Variants in CRIM1 observed in about 807,000 individuals in gnomAD.
CRIM1 encodes the protein cysteine-rich motor neuron 1 protein.
In CRIM1, 32 loss-of-function variants were observed where a neutral mutation model predicts 116.4. The observed-to-expected ratio is 0.27, with a 90% CI of 0.21 to 0.37. The LOEUF is 0.37. Among genes scored for constraint, CRIM1 ranks in the 10% least tolerant of loss-of-function variants. CRIM1 has a pLI of 1.00. For missense variants in CRIM1, 1,331 were observed against 1,354.8 expected (o/e 0.98, Z 0.28); for synonymous variants, 590 against 509.2 (o/e 1.16, Z -2.13).
intron 5 of CRIM1, among the ~76,000 whole-genome samples, chr2:36,469,661 A>G (rs1162620726): frequency 1.3e-5 from 2 of 152,190 alleles, no homozygotes; most frequent in African/African-American, 4.8e-5. Flanking sequence ...AAAAAACACT[A>G]GTACAGAAAA....
chr2:36,534,973 C>G (rs911016840), intron 13 of CRIM1, among the ~76,000 whole-genome samples: 2 of 152,106 alleles, frequency 1.3e-5, no homozygotes, highest in African/African-American at 4.8e-5. Flanking sequence ...ATAAAGAATT[C>G]TCAGCAAAAT....
In CRIM1 at chr2:36,356,287, A is replaced by T. The variant is rs987533341; in HGVS notation, c.-6A>T. On this transcript the variant is annotated 5_prime_UTR_variant, in exon 1 of 17. Transcript: ENST00000280527. The surrounding 1 kb of genome is among the most constrained non-coding windows in gnomAD (Gnocchi z 4.3). ...TGCGAGGAGGAGGCGGCGGCGGCGC[A>T]GGAGGATGTACTTGGTGGCGGGGGA... 7 of 1,459,682 alleles carry T rather than the reference A, an allele frequency of 4.8e-6. No individual in the cohort carries two copies. Among genetic ancestry groups the T allele is most frequent in the African/African-American group, 2.9e-5 (2 of 68,654 alleles). The allele number at this position is 1,459,682 out of a possible 1,614,324, so 90.4% of individuals were successfully genotyped here.
At position 36,480,021 on chromosome 2, in the gene CRIM1, G is replaced by A. The variant is rs115262442; in HGVS notation, c.1372+327G>A. Among the ~76,000 whole-genome samples the A allele has an allele frequency of 4.3e-3, 648 of 152,306 alleles. 9 individuals are homozygous for A. The highest frequency in any genetic ancestry group is 0.014 in the African/African-American group (599 of 41,578). ...AGCCTAACAAAATGAAATTGAAAAT[G>A]AGACCGATGAGTCAATCTTAGCACC... On this transcript the variant is annotated intron_variant, in intron 7 of 16. Coordinates refer to ENST00000280527, the MANE Select transcript of CRIM1 (RefSeq NM_016441.3).
intron 2 of CRIM1, among the ~76,000 whole-genome samples, chr2:36,428,215 G>C (rs1674607273): frequency 6.6e-6 from 1 of 152,214 alleles, no homozygotes. Flanking sequence ...AGGAGACTGG[G>C]CTTCTGGCCC....
Position 36,476,992 on chromosome 2 carries a change from C to T in CRIM1, c.1095C>T (p.Ile365=). ...GTCGATGCCAAGGGGGCGTTGCCAT[C>T]TGCTTCACCGCCCAGTGTGGTGAGA... The part of the protein sequence containing the change: ...RFCRCQGGVA[I]CFTAQCGEIN... Residue 365 remains isoleucine, a synonymous_variant, in exon 6 of 17, where the codon ATC becomes ATT. Coordinates refer to ENST00000280527, the MANE Select transcript of CRIM1 (RefSeq NM_016441.3). 6.2e-7 allele frequency: 1 copy of T among 1,614,128 alleles called. No homozygotes were observed. Among genetic ancestry groups the T allele is most frequent in the Non-Finnish European group, 8.5e-7 (1 of 1,179,934 alleles).
chr2:36,530,897 C>T (rs1666069951), intron 13 of CRIM1, among the ~76,000 whole-genome samples: 1 of 152,158 alleles, frequency 6.6e-6, no homozygotes, highest in Admixed American at 6.5e-5. Flanking sequence ...ACAAAGCTGA[C>T]GAGACCCTCT....
At chr2:36,368,970 A>G (rs888737681) in intron 1 of CRIM1, 8 of 152,182 alleles carry the variant, frequency 5.3e-5, no homozygotes, top group African/African-American at 9.7e-5. Context: ...ATCCTGTTCC[A>G]GATCTTACCG....
chr2:36,528,090 A>G (rs948456018), intron 13 of CRIM1, among the ~76,000 whole-genome samples: 7 of 152,238 alleles, frequency 4.6e-5, no homozygotes, highest in Admixed American at 4.6e-4. Flanking sequence ...AATACTTTAT[A>G]AACAGTAAAC....
In CRIM1 at chr2:36,441,486, A is replaced by G. The variant is rs1386646297; in HGVS notation, c.734A>G (p.Tyr245Cys). Reference protein sequence around the residue: ...SGKPGECCDLYECKPVFGVDC... With the variant: ...SGKPGECCDLCECKPVFGVDC... ...AAGCCGGGAGAGTGCTGTGACCTCT[A>G]TGAGTGCAAACCAGGTATGCACGAG... Residue 245 changes from tyrosine to cysteine, a missense_variant, in exon 3 of 17, where the codon TAT becomes TGT. Tyr to Cys is a radical substitution (Grantham distance 194). Around this residue, in one of 3 missense-constraint regions of CRIM1, gnomAD observed 690 missense variants for 676.0 expected, o/e 1.02. Transcript: ENST00000280527. The G allele has an allele frequency of 3.1e-6, 5 of 1,611,126 alleles. No individual in the cohort carries two copies. Among genetic ancestry groups the G allele is most frequent in the Non-Finnish European group, 4.2e-6 (5 of 1,179,992 alleles).
At chr2:36,507,116 T>C (rs928714452) in intron 8 of CRIM1, among the ~76,000 whole-genome samples, 1 of 152,172 alleles carries the variant, frequency 6.6e-6, no homozygotes, top group Non-Finnish European at 1.5e-5. Context: ...CACCTCAGCT[T>C]CCCAAAGTGC....
chr2:36,548,346 G>C (rs1176642390), intron 16 of CRIM1, among the ~76,000 whole-genome samples, 179 bp from the exon 17 acceptor site: 2 of 148,950 alleles, frequency 1.3e-5, no homozygotes. Flanking sequence ...CAGTTTGTCA[G>C]TGTCCCTCAT....
intron 13 of CRIM1, among the ~76,000 whole-genome samples, chr2:36,522,862 C>A (rs10490671): frequency 0.75 from 113,503 of 150,484 alleles, 42,883 homozygotes; most frequent in Middle Eastern, 0.8. Flanking sequence ...GAATGTCATA[C>A]TGTTACAGCA....
intron 13 of CRIM1, among the ~76,000 whole-genome samples, chr2:36,526,805 T>C (rs1463034715): frequency 6.6e-6 from 1 of 152,164 alleles, no homozygotes. Context: ...GATCGTAACG[T>C]CTATCTTAGG....
At chr2:36,464,011 C>A (rs1677793505) in intron 4 of CRIM1, among the ~76,000 whole-genome samples, 1 of 152,140 alleles carries the variant, frequency 6.6e-6, no homozygotes, top group Non-Finnish European at 1.5e-5. Flanking sequence ...GGACTTAAGA[C>A]AATCACACTG....
rs79873964 is a variant in CRIM1, at chr2:36,469,253, A to G, written c.991+4598A>G. ...TGTATGGCACAACTAGCCAAAAGCA[A>G]CTTCAGGGGGTTATGAAGTAAGTTC... On this transcript the variant is annotated intron_variant, in intron 5 of 16. Coordinates refer to ENST00000280527, the MANE Select transcript of CRIM1 (RefSeq NM_016441.3). Among the ~76,000 whole-genome samples, 273 of 152,264 alleles carry G rather than the reference A, an allele frequency of 1.8e-3. 1 individual carries two copies. The highest frequency in any genetic ancestry group is 6.3e-3 in the African/African-American group (263 of 41,548).
In CRIM1 at chr2:36,356,225, G is replaced by C; in HGVS notation, c.-68G>C. 2 of 885,312 alleles carry C rather than the reference G, an allele frequency of 2.3e-6. No homozygotes were observed. Among genetic ancestry groups the C allele is most frequent in the Non-Finnish European group, 3.1e-6 (2 of 648,678 alleles). The allele number at this position is 885,312 out of a possible 1,614,324, so 54.8% of individuals were successfully genotyped here. ...GCGGCGGCGGCGGCGCGTGTGCCCCGCGCAGGGGAGGGCGCCCGCCCCGCT... is the reference window on the plus strand; with the variant it reads ...GCGGCGGCGGCGGCGCGTGTGCCCCCCGCAGGGGAGGGCGCCCGCCCCGCT... On this transcript the variant is annotated 5_prime_UTR_variant, in exon 1 of 17. Coordinates refer to ENST00000280527, the MANE Select transcript of CRIM1 (RefSeq NM_016441.3). The surrounding 1 kb of genome is among the most constrained non-coding windows in gnomAD (Gnocchi z 4.3).
intron 2 of CRIM1, among the ~76,000 whole-genome samples, chr2:36,404,530 G>T (rs1444867757): frequency 2.6e-5 from 4 of 152,168 alleles, no homozygotes; most frequent in Admixed American, 2.6e-4. Flanking sequence ...ATTCATTCAT[G>T]CATTTATTCA....
intron 12 of CRIM1, among the ~76,000 whole-genome samples, chr2:36,519,706 C>T (rs1665252406): frequency 6.6e-6 from 1 of 152,160 alleles, no homozygotes; most frequent in South Asian, 2.1e-4. Flanking sequence ...CTTGTCATTT[C>T]CTCTCTTCAG....
chr2:36,439,374 C>T (rs1037367608), intron 2 of CRIM1, among the ~76,000 whole-genome samples: 33 of 152,302 alleles, frequency 2.2e-4, no homozygotes, highest in African/African-American at 7.5e-4. Context: ...TCCCAAAGTC[C>T]TATCTTTCTA....
Sources: allele counts gnomAD v4.1 joint callset (sites outside exome capture counted in the v4.1 genomes callset), GRCh38; gene constraint gnomAD v4.1.1; regional missense constraint gnomAD v4.1.1; non-coding constraint Gnocchi (gnomAD v3.1); transcripts MANE v1.5; gene names NCBI Gene and HGNC (gene_info 2026-07-23, HGNC 2026-07-21).